The following AKAP19 variants were observed in gnomAD, a reference collection of about 807,000 sequenced individuals.
AKAP19 encodes the protein small A-kinase anchoring protein.
chr2:189,975,715 C>T, the AKAP19 span, among the ~76,000 whole-genome samples: 8 of 152,178 alleles, frequency 5.3e-5, no homozygotes, highest in Non-Finnish European at 1.0e-4. Context: ...CTTCTCTTCT[C>T]GCTTCATTTC....
the AKAP19 span, among the ~76,000 whole-genome samples, chr2:190,172,201 G>A: frequency 6.6e-6 from 1 of 152,100 alleles, no homozygotes; most frequent in African/African-American, 2.4e-5. Flanking sequence ...TGGTAGGATT[G>A]TCTCATGGTT....
chr2:190,118,594 T>C, the AKAP19 span, among the ~76,000 whole-genome samples: 5 of 152,176 alleles, frequency 3.3e-5, no homozygotes, highest in African/African-American at 1.2e-4. Flanking sequence ...ATCCAGCATA[T>C]AAACAGAACC....
At chr2:189,979,797 G>C in the AKAP19 span, among the ~76,000 whole-genome samples, 1 of 152,028 alleles carries the variant, frequency 6.6e-6, no homozygotes, top group African/African-American at 2.4e-5. Flanking sequence ...AGACATAAAA[G>C]CAGCCAATAA....
At chr2:189,987,161 C>G in the AKAP19 span, among the ~76,000 whole-genome samples, 1 of 152,128 alleles carries the variant, frequency 6.6e-6, no homozygotes, top group Non-Finnish European at 1.5e-5. Flanking sequence ...GTAATTGAAT[C>G]ATGGGGGCCG....
At chr2:189,923,817 A>G in the AKAP19 span, 1 of 1,611,682 alleles carries the variant, frequency 6.2e-7, no homozygotes, top group Non-Finnish European at 8.5e-7. Flanking sequence ...AGTGGCTTCA[A>G]TTCTAAGAGT....
chr2:189,913,314 C>G, the AKAP19 span, among the ~76,000 whole-genome samples: 1 of 152,040 alleles, frequency 6.6e-6, no homozygotes, highest in Non-Finnish European at 1.5e-5. Flanking sequence ...ACTGTTCTTT[C>G]TCATCAATTC....
chr2:190,200,051 G>A, the AKAP19 span: 53 of 1,613,964 alleles, frequency 3.3e-5, 1 homozygote, highest in Admixed American at 1.7e-4. Flanking sequence ...TATGCACACC[G>A]CCTGTCTCAG....
chr2:190,148,097 T>G, the AKAP19 span, among the ~76,000 whole-genome samples: 1 of 152,160 alleles, frequency 6.6e-6, no homozygotes, highest in South Asian at 2.1e-4. Flanking sequence ...TTCTCAGAGG[T>G]AATGCTTTCA....
At chr2:190,122,875 T>A in the AKAP19 span, among the ~76,000 whole-genome samples, 2 of 151,858 alleles carry the variant, frequency 1.3e-5, no homozygotes, top group Admixed American at 1.3e-4. Flanking sequence ...AGTGGCATGA[T>A]CATAGCTCAC....
chr2:190,095,339 G>A, the AKAP19 span, among the ~76,000 whole-genome samples: 1 of 152,212 alleles, frequency 6.6e-6, no homozygotes, highest in Non-Finnish European at 1.5e-5. Flanking sequence ...GAATGTTTAT[G>A]TCCCTCCCAA....
chr2:189,881,006 G>A, the AKAP19 span, among the ~76,000 whole-genome samples: 2 of 152,060 alleles, frequency 1.3e-5, no homozygotes, highest in Admixed American at 6.6e-5. Flanking sequence ...AGTGACATAC[G>A]TGACATACAT....
At chr2:189,965,950 G>GCA in the AKAP19 span, among the ~76,000 whole-genome samples, 13 of 148,010 alleles carry the variant, frequency 8.8e-5, no homozygotes, top group Non-Finnish European at 1.9e-4. Flanking sequence ...ATGTATGTAT[G>GCA]TATGTGTGTG....
chr2:190,030,591 C>T, the AKAP19 span, among the ~76,000 whole-genome samples: 2 of 152,200 alleles, frequency 1.3e-5, no homozygotes, highest in African/African-American at 2.4e-5. Flanking sequence ...AACCAACACT[C>T]ACAACAACCA....
At chr2:189,898,871 A>T in the AKAP19 span, among the ~76,000 whole-genome samples, 1 of 151,636 alleles carries the variant, frequency 6.6e-6, no homozygotes, top group South Asian at 2.1e-4. Flanking sequence ...TAATCAAATC[A>T]CTCTCTTGTG....
At chr2:189,934,745 A>G in the AKAP19 span, among the ~76,000 whole-genome samples, 1 of 151,510 alleles carries the variant, frequency 6.6e-6, no homozygotes, top group African/African-American at 2.4e-5. Flanking sequence ...CATTTAGAAT[A>G]TAAAAGATTA....
At chr2:190,096,332 G>T in the AKAP19 span, among the ~76,000 whole-genome samples, 1 of 152,180 alleles carries the variant, frequency 6.6e-6, no homozygotes, top group Non-Finnish European at 1.5e-5. Flanking sequence ...TAAAAGAAAT[G>T]ATTATTATGT....
At chr2:190,171,417 T>G in the AKAP19 span, among the ~76,000 whole-genome samples, 8 of 152,286 alleles carry the variant, frequency 5.3e-5, no homozygotes, top group East Asian at 1.9e-4. Flanking sequence ...TATTCAACTT[T>G]TCAAAATGAA....
the AKAP19 span, among the ~76,000 whole-genome samples, chr2:189,968,064 GTGTGT>G: frequency 4.6e-5 from 7 of 152,100 alleles, no homozygotes; most frequent in Admixed American, 3.3e-4. Flanking sequence ...ATAAGGAACA[GTGTGT>G]TGTAAGTTGA....
the AKAP19 span, among the ~76,000 whole-genome samples, chr2:190,174,729 GTATT>G: frequency 1.6e-4 from 25 of 152,252 alleles, no homozygotes; most frequent in East Asian, 2.5e-3. Context: ...GGTTATTGCA[GTATT>G]TATATGACTT....
Sources: gnomAD v4.1 joint callset for allele counts (sites outside exome capture counted in the v4.1 genomes callset) on GRCh38, gnomAD v4.1.1 for gene constraint, MANE v1.5 for transcripts, NCBI Gene and HGNC (gene_info 2026-07-23, HGNC 2026-07-21) for gene names.